The following FYTTD1 variants were observed in gnomAD, a reference collection of about 807,000 sequenced individuals.
FYTTD1 encodes UAP56-interacting factor.
In FYTTD1, 22 loss-of-function variants were observed where a neutral mutation model predicts 40.9. The ratio of observed to expected loss-of-function variants is 0.54; its 90% CI spans 0.38 to 0.77. The LOEUF is 0.77. Among genes scored for constraint, FYTTD1 ranks in the 30% least tolerant of loss-of-function variants. The pLI, the probability that FYTTD1 is intolerant of heterozygous loss-of-function variation, is 0.00. For synonymous variants in FYTTD1, 140 were observed against 137.9 expected (o/e 1.01, Z -0.10); for missense variants, 351 against 392.2 (o/e 0.90, Z 0.89).
intron 2 of FYTTD1, among the ~76,000 whole-genome samples, chr3:197,760,132 G>A (rs1729334663): frequency 6.6e-6 from 1 of 151,644 alleles, no homozygotes; most frequent in African/African-American, 2.4e-5. Flanking sequence ...CTCAGTGGTA[G>A]AACTTATAGA....
Position 197,783,826 on chromosome 3 carries a change from C to A in FYTTD1, c.*1917C>A, listed in dbSNP as rs932071510. ...TTACCTATTATTGTATAGAGCTATT[C>A]ATGCCATTTTTTGGGAAAACTTTAA... On this transcript the variant is annotated 3_prime_UTR_variant, in exon 9 of 9. Transcript: ENST00000241502. The A allele has an allele frequency of 8.5e-5, 13 of 152,574 alleles. No individual in the cohort carries two copies. Among genetic ancestry groups the A allele is most frequent in the Admixed American group, 5.2e-4 (8 of 15,274 alleles). The allele number at this position is 152,574 out of a possible 1,614,324, so 9.5% of individuals were successfully genotyped here.
intron 4 of FYTTD1, among the ~76,000 whole-genome samples, chr3:197,773,009 C>T (rs1345433196): frequency 5.9e-5 from 9 of 152,062 alleles, no homozygotes; most frequent in Admixed American, 5.2e-4. Flanking sequence ...TATTTTTGGT[C>T]TTCAGTTTAT....
rs1480900615 is a variant in FYTTD1, at chr3:197,784,561, C to T, written c.*2652C>T. 2 of 152,148 alleles carry T rather than the reference C, an allele frequency of 1.3e-5. No individual in the cohort carries two copies. The highest frequency in any genetic ancestry group is 4.8e-5 in the African/African-American group (2 of 41,430). 9.4% of individuals were successfully genotyped at this position (152,148 alleles called of 1,614,324 possible). A position where few individuals can be genotyped will look rare whatever the true frequency, so the allele number is the denominator to read the frequency against. ...CTGTAATCCCAGAACTTGGGGAGGC[C>T]AAGGCGGGCGGATCATGAGGCCAGG... On this transcript the variant is annotated 3_prime_UTR_variant, in exon 9 of 9. Transcript: ENST00000241502.
intron 4 of FYTTD1, 99 bp from the exon 5 acceptor site, chr3:197,773,304 T>G: frequency 1.5e-6 from 1 of 673,872 alleles, no homozygotes. Context: ...TTGCACCTCA[T>G]GTTTGCAGCC....
chr3:197,769,950 TG>T (rs1186425325), intron 3 of FYTTD1, among the ~76,000 whole-genome samples, 181 bp from the exon 4 acceptor site: 7 of 152,170 alleles, frequency 4.6e-5, no homozygotes, highest in Non-Finnish European at 8.8e-5. Flanking sequence ...AAATATAATG[TG>T]GGGTTTTCAT....
At position 197,784,089 on chromosome 3, in the gene FYTTD1, G is replaced by C. The variant is rs1003801470; in HGVS notation, c.*2180G>C. The C allele has an allele frequency of 2.0e-5, 3 of 151,762 alleles. No individual in the cohort carries two copies. Among genetic ancestry groups the C allele is most frequent in the African/African-American group, 7.3e-5 (3 of 41,222 alleles). 9.4% of individuals were successfully genotyped at this position (151,762 alleles called of 1,614,324 possible). Reference sequence around the variant, plus strand: ...AATCCTTGTTCAGTTCTTAAGTTTCGGTTTTTTTTAAAAACAGGATGCAAC... The same window carrying C: ...AATCCTTGTTCAGTTCTTAAGTTTCCGTTTTTTTTAAAAACAGGATGCAAC... On this transcript the variant is annotated 3_prime_UTR_variant, in exon 9 of 9. Transcript: ENST00000241502.
At chr3:197,778,934 C>G (rs935060801) in intron 8 of FYTTD1, among the ~76,000 whole-genome samples, 4 of 152,186 alleles carry the variant, frequency 2.6e-5, no homozygotes, top group African/African-American at 7.2e-5. Context: ...TATAGTAACT[C>G]TGTATCTAAC....
In FYTTD1 at chr3:197,756,414, C is replaced by T. The variant is rs773544608; in HGVS notation, c.104-12C>T. 1.9e-6 allele frequency: 3 copies of T among 1,587,866 alleles called. No individual in the cohort carries two copies. The highest frequency in any genetic ancestry group is 1.7e-5 in the Admixed American group (1 of 59,304). On this transcript the variant is annotated splice_polypyrimidine_tract_variant and intron_variant, in intron 1 of 8. Transcript: ENST00000241502. ...GTTAAAATGAAAATAATTGACATTT[C>T]CTCTATCATAGATGATATCATCAAG...
intron 6 of FYTTD1, among the ~76,000 whole-genome samples, chr3:197,776,207 T>C (rs1729868715): frequency 6.9e-6 from 1 of 145,156 alleles, no homozygotes; most frequent in South Asian, 2.2e-4. Context: ...TCATAGCAAT[T>C]TTTTTTTTTT....
chr3:197,776,692 G>A (rs1158450664), intron 6 of FYTTD1, among the ~76,000 whole-genome samples: 1 of 151,860 alleles, frequency 6.6e-6, no homozygotes, highest in Non-Finnish European at 1.5e-5. Flanking sequence ...TGTACTATTT[G>A]ATTTTTTTAA....
At chr3:197,764,914 G>A (rs369101922) in intron 2 of FYTTD1, among the ~76,000 whole-genome samples, 58 of 151,280 alleles carry the variant, frequency 3.8e-4, no homozygotes, top group East Asian at 2.0e-3. Flanking sequence ...GTGGTAGTGC[G>A]ATCTTGGCTC....
chr3:197,773,293 C>A, intron 4 of FYTTD1, 110 bp from the exon 5 acceptor site: 96 of 607,776 alleles, frequency 1.6e-4, no homozygotes, highest in Middle Eastern at 8.9e-4. Context: ...TTGTTTGTTT[C>A]TTGCACCTCA....
chr3:197,765,944 C>T lies in FYTTD1; in HGVS notation c.236-2495C>T, dbSNP rs866675243. Among the ~76,000 whole-genome samples the T allele has an allele frequency of 5.3e-5, 8 of 150,998 alleles. No individual in the cohort carries two copies. In the South Asian group the frequency reaches 1.1e-3, roughly 20 times the overall value. On this transcript the variant is annotated intron_variant, in intron 2 of 8. Transcript: ENST00000241502. ...CTGGGAGGCGGAGGTTGCATTGAGCCGAGATCACACCACTGCACTCCAGCC... is the reference window on the plus strand; with the variant it reads ...CTGGGAGGCGGAGGTTGCATTGAGCTGAGATCACACCACTGCACTCCAGCC...
intron 1 of FYTTD1, among the ~76,000 whole-genome samples, chr3:197,754,173 A>T (rs1011520115): frequency 2.0e-5 from 3 of 152,148 alleles, no homozygotes; most frequent in African/African-American, 7.2e-5. Context: ...GATGAAGAGT[A>T]AGTAGCACTT....
chr3:197,769,019 C>T (rs1279486305), intron 3 of FYTTD1, among the ~76,000 whole-genome samples: 3 of 150,254 alleles, frequency 2.0e-5, no homozygotes, highest in Admixed American at 1.3e-4. Context: ...CCCACCTTGG[C>T]CTCCCAAAGT....
chr3:197,777,047 A>T (rs1415319896), intron 7 of FYTTD1, 46 bp downstream of exon 7: 3 of 1,135,156 alleles, frequency 2.6e-6, no homozygotes, highest in Non-Finnish European at 3.9e-6. Context: ...CTCTCATTAC[A>T]TGAGATCATA....
In FYTTD1 at chr3:197,768,987, A is replaced by T. The variant is rs1221243770; in HGVS notation, c.384+400A>T. Among the ~76,000 whole-genome samples, 3 of 151,212 alleles carry T rather than the reference A, an allele frequency of 2.0e-5. No homozygotes were observed. The South Asian group carries it at 6.3e-4, about 32-fold the overall frequency. ...TTCATGTTGGCCAGGCTGGTCTCGAACTCCTGACCTCAAGTGATCTGCCCA... is the reference window on the plus strand; with the variant it reads ...TTCATGTTGGCCAGGCTGGTCTCGATCTCCTGACCTCAAGTGATCTGCCCA... On this transcript the variant is annotated intron_variant, in intron 3 of 8. Coordinates refer to ENST00000241502, the MANE Select transcript of FYTTD1 (RefSeq NM_032288.7).
intron 2 of FYTTD1, among the ~76,000 whole-genome samples, chr3:197,759,988 G>C (rs1425506366): frequency 6.6e-6 from 1 of 150,736 alleles, no homozygotes; most frequent in African/African-American, 2.5e-5. Context: ...GAGTTCTTCA[G>C]TGGTAGAACA....
intron 4 of FYTTD1, among the ~76,000 whole-genome samples, chr3:197,771,633 CG>C (rs1214421942): frequency 6.6e-6 from 1 of 151,490 alleles, no homozygotes; most frequent in Non-Finnish European, 1.5e-5. Context: ...AAAAATTAGC[CG>C]GGCGTGGTGG....
Sources: allele counts gnomAD v4.1 joint callset (sites outside exome capture counted in the v4.1 genomes callset), GRCh38; gene constraint gnomAD v4.1.1; transcripts MANE v1.5; gene names NCBI Gene and HGNC (gene_info 2026-07-23, HGNC 2026-07-21).